CDH10: variants seen among roughly 807,000 people sequenced by gnomAD.
CDH10 encodes cadherin-10.
A neutral mutation model predicts 73.1 loss-of-function variants in CDH10; 30 were observed. The ratio of observed to expected loss-of-function variants is 0.41; its 90% CI spans 0.31 to 0.56. The LOEUF is 0.56. CDH10 is among the 20% of genes least tolerant of loss of function. CDH10 has a pLI of 0.27. For synonymous variants in CDH10, 345 were observed against 348.2 expected, an observed-to-expected ratio of 0.99 and a Z score of 0.10; for missense variants, 815 against 973.7, an observed-to-expected ratio of 0.84 and a Z score of 2.17.
intron 7 of CDH10, among the ~76,000 whole-genome samples, chr5:24,506,609 A>G (rs746402784): frequency 2.6e-5 from 4 of 152,182 alleles, no homozygotes; most frequent in African/African-American, 4.8e-5. Context: ...CTCAAAGTCT[A>G]CTAGTCACTC....
chr5:24,538,002 T>C (rs1744020886), intron 2 of CDH10, among the ~76,000 whole-genome samples: 1 of 152,060 alleles, frequency 6.6e-6, no homozygotes, highest in African/African-American at 2.4e-5. Flanking sequence ...GATAGGTGGG[T>C]GTAAACATTG....
chr5:24,518,567 T>C (rs1476362941), intron 5 of CDH10, among the ~76,000 whole-genome samples: 1 of 152,090 alleles, frequency 6.6e-6, no homozygotes, highest in Non-Finnish European at 1.5e-5. Context: ...TGGAATACCT[T>C]ATTCACAGTC....
chr5:24,639,949 G>A (rs1033578665), intron 1 of CDH10, among the ~76,000 whole-genome samples: 4 of 151,760 alleles, frequency 2.6e-5, no homozygotes, highest in Non-Finnish European at 5.9e-5. Flanking sequence ...GCTTGCTAGT[G>A]CAGTAAACTA....
At position 24,491,838 on chromosome 5, in the gene CDH10, T is replaced by A. The variant is rs2111642344; in HGVS notation, c.1625-11A>T. On this transcript the variant is annotated splice_polypyrimidine_tract_variant and intron_variant, in intron 10 of 11. Transcript: ENST00000264463. ...TTCTGGCAGTATTATCTAAAACAAATTTTAAAATATTACAAATGGTTTGGG... is the reference window on the plus strand; with the variant it reads ...TTCTGGCAGTATTATCTAAAACAAAATTTAAAATATTACAAATGGTTTGGG... The A allele has an allele frequency of 6.4e-7, 1 of 1,555,778 alleles. No homozygotes were observed. Among genetic ancestry groups the A allele is most frequent in the Non-Finnish European group, 8.8e-7 (1 of 1,131,968 alleles).
chr5:24,492,070 G>A (rs1198754903), intron 10 of CDH10, among the ~76,000 whole-genome samples: 4 of 152,100 alleles, frequency 2.6e-5, no homozygotes, highest in Admixed American at 6.5e-5. Flanking sequence ...TGTTTTCAAA[G>A]TGGTACATTT....
intron 5 of CDH10, among the ~76,000 whole-genome samples, chr5:24,524,519 G>C (rs1372723973): frequency 6.6e-6 from 1 of 152,004 alleles, no homozygotes; most frequent in South Asian, 2.1e-4. Flanking sequence ...CAGTGATGAA[G>C]CTTTAATTAT....
chr5:24,614,371 C>T (rs1056468930), intron 1 of CDH10, among the ~76,000 whole-genome samples: 2 of 152,166 alleles, frequency 1.3e-5, no homozygotes, highest in African/African-American at 2.4e-5. Context: ...AAACATATCT[C>T]CAGAGCTTGC....
chr5:24,551,908 T>C (rs745671858), intron 2 of CDH10, among the ~76,000 whole-genome samples: 1 of 152,098 alleles, frequency 6.6e-6, no homozygotes, highest in African/African-American at 2.4e-5. Context: ...TTTAGAAAAA[T>C]CATCTTAGGG....
chr5:24,502,714 A>G (rs546166076), intron 8 of CDH10, among the ~76,000 whole-genome samples: 76 of 152,288 alleles, frequency 5.0e-4, no homozygotes, highest in African/African-American at 1.8e-3. Context: ...ATCTCACAAA[A>G]TATCTGTAAG....
At chr5:24,621,718 A>T (rs1876123) in intron 1 of CDH10, among the ~76,000 whole-genome samples, 1 of 152,216 alleles carries the variant, frequency 6.6e-6, no homozygotes, top group Admixed American at 6.5e-5. Context: ...TCTCATCTAT[A>T]TAGATAGATG....
intron 7 of CDH10, among the ~76,000 whole-genome samples, chr5:24,507,216 A>T (rs1742728936): frequency 6.6e-6 from 1 of 151,932 alleles, no homozygotes; most frequent in Non-Finnish European, 1.5e-5. Flanking sequence ...TATATATTCT[A>T]TCCAAAGAAT....
intron 2 of CDH10, among the ~76,000 whole-genome samples, chr5:24,585,027 T>A (rs1465550017): frequency 1.3e-5 from 2 of 151,978 alleles, no homozygotes; most frequent in Admixed American, 1.3e-4. Flanking sequence ...TTTCTATTTT[T>A]AGTAGAGACA....
At chr5:24,517,351 A>G (rs1743145474) in intron 5 of CDH10, among the ~76,000 whole-genome samples, 2 of 152,210 alleles carry the variant, frequency 1.3e-5, no homozygotes, top group African/African-American at 4.8e-5. Flanking sequence ...TCACATTGAT[A>G]TAAACTAAAT....
intron 5 of CDH10, among the ~76,000 whole-genome samples, chr5:24,532,609 G>T (rs181125517): frequency 6.3e-4 from 96 of 152,116 alleles, no homozygotes; most frequent in Non-Finnish European, 8.5e-4. Context: ...GATGTAAGTT[G>T]AAAATACTTG....
In CDH10 at chr5:24,605,356, G is replaced by A. The variant is rs74414683; in HGVS notation, c.-123-11743C>T. On this transcript the variant is annotated intron_variant, in intron 1 of 11. Transcript: ENST00000264463. ...CTCCTGTCAGATCCAATCAGCAGTA[G>A]AGGGAGGGGGGATTAGCTTCTCATA... Among the ~76,000 whole-genome samples, 1,315 of 152,324 alleles carry A rather than the reference G, an allele frequency of 8.6e-3. 12 individuals are homozygous for A. The highest frequency in any genetic ancestry group is 0.013 in the Non-Finnish European group (876 of 68,030).
chr5:24,601,385 G>T (rs1432511711), intron 1 of CDH10, among the ~76,000 whole-genome samples: 2 of 152,138 alleles, frequency 1.3e-5, no homozygotes, highest in Non-Finnish European at 2.9e-5. Flanking sequence ...CCTTTACACT[G>T]TTCTGAAATC....
At chr5:24,525,343 T>C (rs1004100292) in intron 5 of CDH10, among the ~76,000 whole-genome samples, 2 of 152,054 alleles carry the variant, frequency 1.3e-5, no homozygotes, top group Admixed American at 6.6e-5. Flanking sequence ...GCATCATATA[T>C]ATGAATCAAC....
At chr5:24,592,571 T>C (rs979084224) in intron 2 of CDH10, among the ~76,000 whole-genome samples, 2 of 151,894 alleles carry the variant, frequency 1.3e-5, no homozygotes, top group Non-Finnish European at 2.9e-5. Context: ...AGTACTTTTA[T>C]GTTAAGCTTC....
chr5:24,623,262 T>C (rs958854802), intron 1 of CDH10, among the ~76,000 whole-genome samples: 5 of 152,102 alleles, frequency 3.3e-5, no homozygotes, highest in Non-Finnish European at 7.3e-5. Flanking sequence ...TATGTAACAG[T>C]CTTGAACAGC....
Sources: gnomAD v4.1 joint callset for allele counts (sites outside exome capture counted in the v4.1 genomes callset) on GRCh38, gnomAD v4.1.1 for gene constraint, MANE v1.5 for transcripts, NCBI Gene and HGNC (gene_info 2026-07-23, HGNC 2026-07-21) for gene names.